The following ENOX1 variants were observed in gnomAD, a reference collection of about 807,000 sequenced individuals.
ENOX1 encodes ecto-NOX disulfide-thiol exchanger 1, also known as candidate growth-related and time keeping constitutive hydroquinone (NADH) oxidase.
A neutral mutation model predicts 82.5 loss-of-function variants in ENOX1; 42 were observed. The observed-to-expected ratio is 0.51, with a 90% CI of 0.40 to 0.66. The LOEUF (loss-of-function observed/expected upper bound fraction) is 0.66. ENOX1 is among the 30% of genes least tolerant of loss of function. ENOX1 has a pLI of 0.00. For synonymous variants in ENOX1, 271 were observed against 282.2 expected (o/e 0.96, Z 0.40); for missense variants, 608 against 811.6 (o/e 0.75, Z 3.05).
At chr13:43,504,165 AAAAG>A (rs753803200) in intron 2 of ENOX1, among the ~76,000 whole-genome samples, 199 of 151,972 alleles carry the variant, frequency 1.3e-3, no homozygotes, top group Non-Finnish European at 2.1e-3. Flanking sequence ...ATAAAAAATA[AAAAG>A]ATAACAAATG....
At chr13:43,339,933 G>A (rs1388163510) in intron 9 of ENOX1, among the ~76,000 whole-genome samples, 1 of 152,210 alleles carries the variant, frequency 6.6e-6, no homozygotes, top group African/African-American at 2.4e-5. Flanking sequence ...CAGCAAGTGT[G>A]TCAGTCACTG....
chr13:43,366,687 G>C (rs2050872357), intron 5 of ENOX1, among the ~76,000 whole-genome samples: 1 of 152,084 alleles, frequency 6.6e-6, no homozygotes, highest in African/African-American at 2.4e-5. Context: ...AGAACACCTG[G>C]GTGAAGGCAG....
chr13:43,466,693 T>C (rs1391959154), intron 3 of ENOX1, among the ~76,000 whole-genome samples: 1 of 152,194 alleles, frequency 6.6e-6, no homozygotes, highest in Non-Finnish European at 1.5e-5. Context: ...TACAGTTCAA[T>C]GCTTTCTAGT....
chr13:43,312,070 C>G (rs1449417541), intron 11 of ENOX1, among the ~76,000 whole-genome samples: 1 of 152,040 alleles, frequency 6.6e-6, no homozygotes, highest in African/African-American at 2.4e-5. Flanking sequence ...CTTGTAATCA[C>G]AAAAAAATCA....
chr13:43,756,110 G>C (rs1566885153), intron 1 of ENOX1, among the ~76,000 whole-genome samples: 1 of 152,122 alleles, frequency 6.6e-6, no homozygotes, highest in Non-Finnish European at 1.5e-5. Context: ...CTGGTGAGAA[G>C]AACAAAAACT....
At chr13:43,260,889 C>A (rs1173443252) in intron 14 of ENOX1, among the ~76,000 whole-genome samples, 1 of 152,164 alleles carries the variant, frequency 6.6e-6, no homozygotes, top group Non-Finnish European at 1.5e-5. Context: ...TTTGGTTACA[C>A]TTAAATGGTT....
At chr13:43,278,805 T>C (rs982614397) in intron 12 of ENOX1, among the ~76,000 whole-genome samples, 1 of 152,154 alleles carries the variant, frequency 6.6e-6, no homozygotes, top group Non-Finnish European at 1.5e-5. Flanking sequence ...ATTGAATAGA[T>C]AGTTGCAATT....
intron 1 of ENOX1, among the ~76,000 whole-genome samples, chr13:43,758,779 G>A (rs569622784): frequency 3.3e-4 from 50 of 152,268 alleles, no homozygotes; most frequent in Admixed American, 2.0e-3. Flanking sequence ...ACTTAATGAG[G>A]CTTAAATTAG....
rs137967638 is a variant in ENOX1 at position 43,221,609 on chromosome 13, G to A, written c.1800+2444C>T. Among the ~76,000 whole-genome samples, 10 of 152,252 alleles carry A rather than the reference G, an allele frequency of 6.6e-5. No homozygotes were observed. In the East Asian group the frequency reaches 1.9e-3, roughly 29 times the overall value. On this transcript the variant is annotated intron_variant, in intron 16 of 16. Coordinates refer to ENST00000690772, the MANE Select transcript of ENOX1 (RefSeq NM_001347969.2). ...CGGGTGAATGAGAGTGGGTAATTTA[G>A]AAAAGGCCAAGAAGAGAAAAATATG...
At chr13:43,443,002 A>G (rs2056440293) in intron 3 of ENOX1, among the ~76,000 whole-genome samples, 1 of 152,356 alleles carries the variant, frequency 6.6e-6, no homozygotes, top group East Asian at 1.9e-4. Flanking sequence ...TGACTGGAAT[A>G]TAGAAATGCC....
rs959826546 is a variant in ENOX1, at chr13:43,587,060, G to A, written c.-219+80419C>T. 4.3e-5 allele frequency among the ~76,000 whole-genome samples: 6 copies of A among 140,340 alleles called. No homozygotes were observed. The East Asian group carries it at 6.3e-4, about 15-fold the overall frequency. 92.1% of individuals were successfully genotyped at this position (140,340 alleles called of 152,430 possible). A position where few individuals can be genotyped will look rare whatever the true frequency, so the allele number is the denominator to read the frequency against. On this transcript the variant is annotated intron_variant, in intron 2 of 16. Transcript: ENST00000690772. The stretch of plus-strand genomic sequence containing the variant: ...CTGCACTCCAGTCTGGCGACAGAGC[G>A]AGACTATCTCAGAAAAAAAAAAAAA...
At chr13:43,246,370 C>T (rs1165827861) in intron 14 of ENOX1, among the ~76,000 whole-genome samples, 1 of 152,202 alleles carries the variant, frequency 6.6e-6, no homozygotes, top group Non-Finnish European at 1.5e-5. Context: ...GTGACCAAAT[C>T]CCTCCTGAGG....
chr13:43,495,115 C>A (rs2076748778), intron 2 of ENOX1, among the ~76,000 whole-genome samples: 1 of 152,040 alleles, frequency 6.6e-6, no homozygotes, highest in African/African-American at 2.4e-5. Flanking sequence ...TTTATGAATA[C>A]AGAAAATCTA....
chr13:43,231,965 C>T (rs2042304724), intron 15 of ENOX1, among the ~76,000 whole-genome samples: 1 of 152,172 alleles, frequency 6.6e-6, no homozygotes, highest in Admixed American at 6.5e-5. Context: ...CACTCTATCA[C>T]CCAGGCAGTT....
chr13:43,465,649 T>C (rs1464518867), intron 3 of ENOX1, among the ~76,000 whole-genome samples: 1 of 152,210 alleles, frequency 6.6e-6, no homozygotes, highest in East Asian at 1.9e-4. Context: ...AGCCAAGAAG[T>C]ATAAATACAT....
chr13:43,756,060 C>T (rs1004547993), intron 1 of ENOX1, among the ~76,000 whole-genome samples: 5 of 152,182 alleles, frequency 3.3e-5, no homozygotes, highest in Non-Finnish European at 5.9e-5. Flanking sequence ...TTGACACATT[C>T]GGGGTGACAT....
At chr13:43,707,056 C>T (rs2087342942) in intron 1 of ENOX1, among the ~76,000 whole-genome samples, 1 of 151,950 alleles carries the variant, frequency 6.6e-6, no homozygotes, top group African/African-American at 2.4e-5. Flanking sequence ...TGAAAAATTC[C>T]TTTAGTAAGG....
chr13:43,456,492 C>G (rs533963054), intron 3 of ENOX1, among the ~76,000 whole-genome samples: 1 of 152,122 alleles, frequency 6.6e-6, no homozygotes, highest in Non-Finnish European at 1.5e-5. Flanking sequence ...GGGAATCTAA[C>G]CATTTCAACA....
In ENOX1 at chr13:43,263,343, G is replaced by A. The variant is rs554976472; in HGVS notation, c.1611+2055C>T. 7.9e-5 allele frequency among the ~76,000 whole-genome samples: 12 copies of A among 152,272 alleles called. No individual in the cohort carries two copies. The South Asian group carries it at 2.5e-3, about 32-fold the overall frequency. On this transcript the variant is annotated intron_variant, in intron 14 of 16. Coordinates refer to ENST00000690772, the MANE Select transcript of ENOX1 (RefSeq NM_001347969.2). The stretch of plus-strand genomic sequence containing the variant: ...TATCTCCCCCACCCCCTAGGTCAAG[G>A]TGCTGCTCTTCCTTCCTACTGAGCC...
Sources: gnomAD v4.1 joint callset for allele counts (sites outside exome capture counted in the v4.1 genomes callset) on GRCh38, gnomAD v4.1.1 for gene constraint, MANE v1.5 for transcripts, NCBI Gene and HGNC (gene_info 2026-07-23, HGNC 2026-07-21) for gene names.